The following SORT1 variants were observed in gnomAD, a reference collection of about 807,000 sequenced individuals.
SORT1 encodes the protein sortilin.
Under a neutral mutation model 101.7 loss-of-function variants are expected in SORT1, and 39 were observed. The ratio of observed to expected loss-of-function variants is 0.38; its 90% CI spans 0.30 to 0.50. The LOEUF (loss-of-function observed/expected upper bound fraction) is 0.50, where lower values mean the gene tolerates loss of function less well. Among genes scored for constraint, SORT1 ranks in the 20% least tolerant of loss-of-function variants. SORT1 has a pLI of 0.90. For synonymous variants in SORT1, 396 were observed against 393.7 expected, an observed-to-expected ratio of 1.01 and a Z score of -0.07; for missense variants, 878 against 1,040.4, an observed-to-expected ratio of 0.84 and a Z score of 2.15.
intron 1 of SORT1, among the ~76,000 whole-genome samples, chr1:109,384,809 T>G (rs547675341): frequency 6.6e-6 from 1 of 152,100 alleles, no homozygotes; most frequent in Non-Finnish European, 1.5e-5. Flanking sequence ...CCAGGCATGG[T>G]AGCTCACGCC....
intron 1 of SORT1, among the ~76,000 whole-genome samples, chr1:109,391,476 C>T (rs561997934): frequency 2.0e-5 from 3 of 152,240 alleles, no homozygotes; most frequent in South Asian, 2.1e-4. Context: ...GATGAGGAAT[C>T]GAGGGCCAGA....
chr1:109,342,858 TAC>T (rs1649320939), intron 8 of SORT1, among the ~76,000 whole-genome samples: 1 of 152,112 alleles, frequency 6.6e-6, no homozygotes, highest in South Asian at 2.1e-4. Flanking sequence ...CGCTACTAGA[TAC>T]AGTTAGCCTG....
rs1219684796 is a variant in SORT1, at chr1:109,345,817, A to G, written c.897T>C (p.Ile299=). 2 of 1,613,686 alleles carry G rather than the reference A, an allele frequency of 1.2e-6. No individual in the cohort carries two copies. Among genetic ancestry groups the G allele is most frequent in the Non-Finnish European group, 1.7e-6 (2 of 1,179,592 alleles). ...GACCAAATGAGTAGATTTTCACACC[A>G]ATAGTTTTGAAGCTTTTTCCCAAGT... The part of the protein sequence containing the change: ...TSDLGKSFKT[I]GVKIYSFGLG... The change falls in exon 8 of 20, where the codon ATT becomes ATC. Residue 299 remains isoleucine (I), a synonymous_variant. Transcript: ENST00000256637.
At chr1:109,359,331 C>T (rs567144478) in intron 3 of SORT1, among the ~76,000 whole-genome samples, 2 of 152,194 alleles carry the variant, frequency 1.3e-5, no homozygotes, top group African/African-American at 4.8e-5. Context: ...CTAATACCAT[C>T]GCACTAGGGG....
chr1:109,326,516 C>CAT (rs1648073286), intron 13 of SORT1, among the ~76,000 whole-genome samples: 1 of 63,196 alleles, frequency 1.6e-5, no homozygotes, highest in African/African-American at 5.8e-5. Flanking sequence ...CACACATACA[C>CAT]ATATATATAC....
chr1:109,334,724 CTTGA>C (rs991277248), intron 11 of SORT1, among the ~76,000 whole-genome samples: 21 of 152,014 alleles, frequency 1.4e-4, no homozygotes, highest in African/African-American at 5.1e-4. Context: ...TGTTAGTTAG[CTTGA>C]TTGTGATAAT....
chr1:109,385,654 C>A (rs1652527905), intron 1 of SORT1, among the ~76,000 whole-genome samples: 1 of 152,200 alleles, frequency 6.6e-6, no homozygotes. Flanking sequence ...TCTGCTACAA[C>A]CACACTGGCC....
chr1:109,318,256 G>A (rs963040766), intron 15 of SORT1, among the ~76,000 whole-genome samples: 5 of 151,548 alleles, frequency 3.3e-5, no homozygotes, highest in Non-Finnish European at 7.4e-5. Context: ...GGCTTCAAGC[G>A]ACTCTCCTGC....
At chr1:109,388,529 C>T (rs1161233624) in intron 1 of SORT1, among the ~76,000 whole-genome samples, 2 of 152,142 alleles carry the variant, frequency 1.3e-5, no homozygotes, top group African/African-American at 4.8e-5. Flanking sequence ...GTGTGAGTCA[C>T]CCTGCTTAGC....
chr1:109,384,497 G>A (rs1265641520), intron 1 of SORT1, among the ~76,000 whole-genome samples: 1 of 152,144 alleles, frequency 6.6e-6, no homozygotes, highest in Non-Finnish European at 1.5e-5. Flanking sequence ...GCAGACAATG[G>A]CATTAAGTTT....
intron 2 of SORT1, chr1:109,368,660 TG>T (rs1651260973): frequency 1.3e-5 from 2 of 152,276 alleles, no homozygotes; most frequent in East Asian, 3.9e-4. Context: ...GTCCTCCTAG[TG>T]GGAGCCCAGC....
rs763090701 is a variant in SORT1 at position 109,397,821 on chromosome 1, C to T, written c.72G>A (p.Leu24=). Residue 24 remains leucine (L), a synonymous_variant, in exon 1 of 20, where the codon CTG becomes CTA. Transcript: ENST00000256637. ...WPHGLGLLLL[L]QLLPPSTLSQ... ...TGAGGGTCGACGGCGGCAGCAGCTG[C>T]AGGAGGAGGAGGAGGCCGAGGCCAT... 1 of 1,296,718 alleles carries T rather than the reference C, an allele frequency of 7.7e-7. No homozygotes were observed. The allele number at this position is 1,296,718 out of a possible 1,614,324, so 80.3% of individuals were successfully genotyped here.
intron 13 of SORT1, among the ~76,000 whole-genome samples, chr1:109,326,448 TATATATATATATATATACATACACAC>T (rs1648039448): frequency 3.7e-5 from 1 of 27,140 alleles, no homozygotes; most frequent in African/African-American, 1.2e-4. Context: ...TATATATATA[TATATATATATATATATACATACACAC>T]ACACACACAC....
chr1:109,351,965 G>GGTGTGTGTGTGTGTGTGTGTGTGTGT (rs10540637), intron 5 of SORT1, among the ~76,000 whole-genome samples: 12 of 147,412 alleles, frequency 8.1e-5, no homozygotes, highest in African/African-American at 3.0e-4. Context: ...GAGAGGTAGG[G>GGTGTGTGTGTGTGTGTGTGTGTGTGT]GTGTGTGTGT....
intron 3 of SORT1, among the ~76,000 whole-genome samples, chr1:109,360,447 C>T (rs1557809744): frequency 6.6e-6 from 1 of 152,040 alleles, no homozygotes; most frequent in Non-Finnish European, 1.5e-5. Context: ...ATTCTTCTGC[C>T]TTAGCCTCCC....
At chr1:109,337,502 C>T (rs562079988) in intron 10 of SORT1, among the ~76,000 whole-genome samples, 2 of 152,188 alleles carry the variant, frequency 1.3e-5, no homozygotes, top group East Asian at 3.9e-4. Context: ...CTCAGCCTCC[C>T]GAAGTGCTGG....
At chr1:109,324,091 A>C (rs1238070152) in intron 14 of SORT1, among the ~76,000 whole-genome samples, 2 of 151,772 alleles carry the variant, frequency 1.3e-5, no homozygotes, top group African/African-American at 4.8e-5. Context: ...GCCAACACTT[A>C]ACTACAGGTC....
chr1:109,355,489 G>T lies in SORT1; in HGVS notation c.441-20C>A, dbSNP rs758978383. ...TCCTCACTGAGAGGAAGAAAAAAAG[G>T]GCAAATTTAGGGTGCAGTGGTCATG... On this transcript the variant is annotated intron_variant, in intron 3 of 19. Transcript: ENST00000256637. 11 of 1,142,128 alleles carry T rather than the reference G, an allele frequency of 9.6e-6. No individual in the cohort carries two copies. The highest frequency in any genetic ancestry group is 1.5e-5 in the Non-Finnish European group (11 of 750,042). The allele number at this position is 1,142,128 out of a possible 1,614,324, so 70.7% of individuals were successfully genotyped here. A position where few individuals can be genotyped will look rare whatever the true frequency, so the allele number is the denominator to read the frequency against.
At chr1:109,359,208 C>A (rs1040154287) in intron 3 of SORT1, among the ~76,000 whole-genome samples, 2 of 151,812 alleles carry the variant, frequency 1.3e-5, no homozygotes, top group Non-Finnish European at 2.9e-5. Flanking sequence ...TCACTGTAAC[C>A]GTACATGACA....
Sources: allele counts gnomAD v4.1 joint callset (sites outside exome capture counted in the v4.1 genomes callset), GRCh38; gene constraint gnomAD v4.1.1; transcripts MANE v1.5; gene names NCBI Gene and HGNC (gene_info 2026-07-23, HGNC 2026-07-21).